The following LRRK1 variants were observed in gnomAD, a reference collection of about 807,000 sequenced individuals.
The protein encoded by LRRK1 is leucine-rich repeat serine/threonine-protein kinase 1.
Under a neutral mutation model 209.1 loss-of-function variants are expected in LRRK1, and 113 were observed. The observed-to-expected ratio is 0.54, with a 90% CI of 0.46 to 0.63. LRRK1 has a LOEUF of 0.63. Among genes scored for constraint, LRRK1 ranks in the 30% least tolerant of loss-of-function variants. LRRK1 has a pLI of 0.00. For missense variants in LRRK1, 2,284 were observed against 2,632.2 expected, an observed-to-expected ratio of 0.87 and a Z score of 2.89; for synonymous variants, 1,144 against 1,099.7, an observed-to-expected ratio of 1.04 and a Z score of -0.80.
chr15:101,067,840 G>A (rs1228341429), intron 33 of LRRK1, among the ~76,000 whole-genome samples: 3 of 152,250 alleles, frequency 2.0e-5, no homozygotes, highest in African/African-American at 7.2e-5. Context: ...TTAGGACCTT[G>A]GCATACCTGC....
At chr15:101,034,198 T>G (rs28831142) in intron 20 of LRRK1, among the ~76,000 whole-genome samples, 60,210 of 152,156 alleles carry the variant, frequency 0.4, 12,305 homozygotes, top group Non-Finnish European at 0.45. Flanking sequence ...TTTTCTCTCA[T>G]TCAACAGGTC....
At chr15:100,956,112 C>A (rs950135968) in intron 2 of LRRK1, among the ~76,000 whole-genome samples, 1 of 152,316 alleles carries the variant, frequency 6.6e-6, no homozygotes, top group African/African-American at 2.4e-5. Flanking sequence ...AGCCATCTAT[C>A]TGATTCTGGG....
chr15:100,983,950 A>G (rs564004981), intron 4 of LRRK1: 4 of 582,656 alleles, frequency 6.9e-6, no homozygotes, highest in African/African-American at 3.7e-5. Context: ...TTTTAAAAAA[A>G]TAATTAATAG....
intron 4 of LRRK1, among the ~76,000 whole-genome samples, chr15:100,984,735 T>C (rs993593112): frequency 2.0e-5 from 3 of 152,216 alleles, no homozygotes; most frequent in African/African-American, 7.2e-5. Flanking sequence ...TAGGAACTAT[T>C]TTTTTCTCTG....
intron 2 of LRRK1, among the ~76,000 whole-genome samples, chr15:100,961,484 C>G (rs988624184): frequency 6.6e-6 from 1 of 152,086 alleles, no homozygotes; most frequent in African/African-American, 2.4e-5. Flanking sequence ...GAAACCCTGT[C>G]TCTACTAAAA....
rs1322557982 is a variant in LRRK1 at position 101,070,362 on chromosome 15, G to A, written c.*1514G>A. On this transcript the variant is annotated 3_prime_UTR_variant, in exon 34 of 34. Transcript: ENST00000388948. ...CAACCTGGGCACCAAGTCCCAGGGG[G>A]CTGAGGGTCTGTGCTTCCTGTCTAC... is the stretch of plus-strand genomic sequence containing the variant. 2 of 149,396 alleles carry A rather than the reference G, an allele frequency of 1.3e-5. No homozygotes were observed. The highest frequency in any genetic ancestry group is 6.7e-5 in the Admixed American group (1 of 14,952). The allele number at this position is 149,396 out of a possible 1,614,324, so 9.3% of individuals were successfully genotyped here. A position where few individuals can be genotyped will look rare whatever the true frequency, so the allele number is the denominator to read the frequency against.
At position 101,011,718 on chromosome 15, in the gene LRRK1, G is replaced by T. The variant is rs536083654; in HGVS notation, c.1282-290G>T. 3.3e-5 allele frequency among the ~76,000 whole-genome samples: 5 copies of T among 151,916 alleles called. No homozygotes were observed. The East Asian group carries it at 9.7e-4, about 29-fold the overall frequency. The stretch of plus-strand genomic sequence containing the variant: ...GAAACCAGCTTCTCTCTCCAGTGTG[G>T]TCCTGAATTGTTCCATTATTTCCAA... On this transcript the variant is annotated intron_variant, in intron 9 of 33. Coordinates refer to ENST00000388948, the MANE Select transcript of LRRK1 (RefSeq NM_024652.6).
intron 2 of LRRK1, among the ~76,000 whole-genome samples, chr15:100,935,354 G>C (rs538561978): frequency 1.3e-5 from 2 of 152,210 alleles, no homozygotes; most frequent in Non-Finnish European, 2.9e-5. Flanking sequence ...AAGGAGCTGG[G>C]GAAATGGTGC....
At chr15:100,962,816 T>TATACACATATATATATATAC (rs1596204721) in intron 2 of LRRK1, among the ~76,000 whole-genome samples, 6 of 32,728 alleles carry the variant, frequency 1.8e-4, no homozygotes, top group African/African-American at 3.9e-4. Context: ...TATATATATA[T>TATACACATATATATATATAC]ATATATATTT....
At chr15:101,008,142 C>CAAAAA (rs796213769) in intron 6 of LRRK1, among the ~76,000 whole-genome samples, 3 of 74,154 alleles carry the variant, frequency 4.0e-5, no homozygotes, top group African/African-American at 1.6e-4. Flanking sequence ...GACTCCATCT[C>CAAAAA]AAAAAAAAAA....
At chr15:101,052,824 T>C in intron 24 of LRRK1, 98 bp from the exon 25 acceptor site, 1 of 1,413,218 alleles carries the variant, frequency 7.1e-7, no homozygotes, top group Non-Finnish European at 9.5e-7. Context: ...CAGATGGCTT[T>C]GAACCATGAC....
chr15:101,053,597 T>C (rs1007052334), intron 26 of LRRK1, among the ~76,000 whole-genome samples, 177 bp downstream of exon 26: 3 of 152,302 alleles, frequency 2.0e-5, no homozygotes, highest in East Asian at 3.9e-4. Context: ...GTCCAGTCAC[T>C]AGGCAGAGCC....
Position 101,013,823 on chromosome 15 carries a change from C to T in LRRK1, c.1420-493C>T, listed in dbSNP as rs375838175. Among the ~76,000 whole-genome samples the T allele has an allele frequency of 8.5e-5, 13 of 152,094 alleles. No homozygotes were observed. The South Asian group carries it at 1.7e-3, about 19-fold the overall frequency. On this transcript the variant is annotated intron_variant, in intron 10 of 33. Transcript: ENST00000388948. Reference sequence around the variant, plus strand: ...ACTGTGTCGGCTAGCAGAGGGCATGCGGCTAGGACAGTTACCCTTGGTGGC... The same window carrying T: ...ACTGTGTCGGCTAGCAGAGGGCATGTGGCTAGGACAGTTACCCTTGGTGGC...
rs536524989 is a variant in LRRK1, at chr15:101,046,561, G to A, written c.3135+409G>A. Reference sequence around the variant, plus strand: ...GCCCAGCAACCACACTTGGAGAACCGTGAAGTTAGAAGCACGGTTTTGCCG... The same window carrying A: ...GCCCAGCAACCACACTTGGAGAACCATGAAGTTAGAAGCACGGTTTTGCCG... On this transcript the variant is annotated intron_variant, in intron 21 of 33. Transcript: ENST00000388948. Among the ~76,000 whole-genome samples the A allele has an allele frequency of 5.3e-5, 8 of 152,366 alleles. No homozygotes were observed. In the South Asian group the frequency reaches 1.2e-3, roughly 24 times the overall value.
chr15:101,011,448 T>G lies in LRRK1; in HGVS notation c.1282-560T>G, dbSNP rs372491756. Among the ~76,000 whole-genome samples, 3 of 147,942 alleles carry G rather than the reference T, an allele frequency of 2.0e-5. No homozygotes were observed. In the Admixed American group the frequency reaches 2.0e-4, roughly 10 times the overall value. ...CCGAGATTGCACCATTGCACTCCAG[T>G]CTGGTGACAGAGCAAGACTCTGTCT... On this transcript the variant is annotated intron_variant, in intron 9 of 33. Transcript: ENST00000388948.
rs74344822 is a variant in LRRK1, at chr15:101,014,480, C to G, written c.1532+52C>G. On this transcript the variant is annotated intron_variant, in intron 11 of 33. Coordinates refer to ENST00000388948, the MANE Select transcript of LRRK1 (RefSeq NM_024652.6). ...CAGTTCCAAAGCGTGTGTGGGGCCA[C>G]GGTCGAGCAGGTCCTCTGAATGGTG... is the stretch of plus-strand genomic sequence containing the variant. 6 of 1,245,628 alleles carry G rather than the reference C, an allele frequency of 4.8e-6. No individual in the cohort carries two copies. The African/African-American group carries it at 8.9e-5, about 18-fold the overall frequency. The allele number at this position is 1,245,628 out of a possible 1,614,324, so 77.2% of individuals were successfully genotyped here. A position where few individuals can be genotyped will look rare whatever the true frequency, so the allele number is the denominator to read the frequency against.
In LRRK1 at chr15:101,012,133, T is replaced by A. The variant is rs1398306113; in HGVS notation, c.1407T>A (p.Leu469=). The A allele has an allele frequency of 6.2e-7, 1 of 1,607,036 alleles. No individual in the cohort carries two copies. The highest frequency in any genetic ancestry group is 8.5e-7 in the Non-Finnish European group (1 of 1,178,340). Residue 469 remains leucine, a synonymous_variant, in exon 10 of 34, where the codon CTT becomes CTA. Transcript: ENST00000388948. The part of the protein sequence containing the change: ...ENALKEVPLG[L]FQLDALMFLR... ...CACTCAAAGAAGTTCCCCTGGGACT[T>A]TTCCAGCTTGATGTAAGCCTAATAG...
At chr15:101,044,506 C>T (rs886940569) in intron 20 of LRRK1, among the ~76,000 whole-genome samples, 2 of 152,232 alleles carry the variant, frequency 1.3e-5, no homozygotes, top group African/African-American at 4.8e-5. Flanking sequence ...GCTCTGAAAC[C>T]CGGAGCCAGC....
chr15:100,961,949 T>C lies in LRRK1; in HGVS notation c.98-11855T>C, dbSNP rs539084257. Among the ~76,000 whole-genome samples, 8 of 152,330 alleles carry C rather than the reference T, an allele frequency of 5.3e-5. No homozygotes were observed. The South Asian group carries it at 1.7e-3, about 32-fold the overall frequency. On this transcript the variant is annotated intron_variant, in intron 2 of 33. Coordinates refer to ENST00000388948, the MANE Select transcript of LRRK1 (RefSeq NM_024652.6). ...TGAAACATTATTATAAACCATTTTA[T>C]TTTATCTTTCAAAATCTGGGACACC...
Sources: gnomAD v4.1 joint callset for allele counts (sites outside exome capture counted in the v4.1 genomes callset) on GRCh38, gnomAD v4.1.1 for gene constraint, MANE v1.5 for transcripts, NCBI Gene and HGNC (gene_info 2026-07-23, HGNC 2026-07-21) for gene names.